Variants in ADGRB3 observed in about 807,000 individuals in gnomAD.
The protein encoded by ADGRB3 is adhesion G protein-coupled receptor B3.
ADGRB3 carries 37 observed loss-of-function variants against 193.4 expected under a neutral mutation model. The observed-to-expected ratio is 0.19, with a 90% CI of 0.15 to 0.25. ADGRB3 has a LOEUF of 0.25. ADGRB3 is among the 10% of genes least tolerant of loss of function. The pLI, the probability that ADGRB3 is intolerant of heterozygous loss-of-function variation, is 1.00. For missense variants in ADGRB3, 1,637 were observed against 1,852.9 expected (o/e 0.88, Z 2.14); for synonymous variants, 690 against 644.2 (o/e 1.07, Z -1.08).
chr6:69,349,521 A>C (rs984833931), intron 26 of ADGRB3, among the ~76,000 whole-genome samples: 1 of 152,148 alleles, frequency 6.6e-6, no homozygotes, highest in South Asian at 2.1e-4. Flanking sequence ...ATGTGAAGTC[A>C]CTCATAATTC....
intron 3 of ADGRB3, among the ~76,000 whole-genome samples, chr6:68,657,308 G>A (rs960994853): frequency 6.6e-6 from 1 of 151,346 alleles, no homozygotes; most frequent in African/African-American, 2.4e-5. Context: ...TCTGTAGGGG[G>A]CAAAGGCTAT....
At chr6:68,861,569 A>AAAATAAAT (rs988376729) in intron 3 of ADGRB3, among the ~76,000 whole-genome samples, 32 of 152,072 alleles carry the variant, frequency 2.1e-4, no homozygotes, top group Non-Finnish European at 3.8e-4. Context: ...CTCCAAAAAA[A>AAAATAAAT]AAATAAATAA....
intron 17 of ADGRB3, among the ~76,000 whole-genome samples, chr6:69,111,203 A>T (rs1040911772): frequency 1.4e-4 from 22 of 152,338 alleles, no homozygotes; most frequent in Admixed American, 9.8e-4. Context: ...TCTTTCTGGG[A>T]ATAATAGCAC....
chr6:68,796,029 A>C (rs903458441), intron 3 of ADGRB3, among the ~76,000 whole-genome samples: 1 of 152,130 alleles, frequency 6.6e-6, no homozygotes, highest in African/African-American at 2.4e-5. Flanking sequence ...CCCTGTGCTT[A>C]AGAATCATTG....
At chr6:69,218,377 A>G (rs1877427) in intron 17 of ADGRB3, among the ~76,000 whole-genome samples, 21,549 of 152,166 alleles carry the variant, frequency 0.14, 1,589 homozygotes, top group Middle Eastern at 0.16. Context: ...TCCAGTGTGG[A>G]TATATAAATA....
At chr6:68,849,142 A>G (rs1021702881) in intron 3 of ADGRB3, among the ~76,000 whole-genome samples, 14 of 151,980 alleles carry the variant, frequency 9.2e-5, no homozygotes, top group Admixed American at 2.0e-4. Context: ...TAGGTGAGAA[A>G]TGGTTCTTGA....
At chr6:69,199,485 C>G (rs1269996636) in intron 17 of ADGRB3, among the ~76,000 whole-genome samples, 1 of 151,996 alleles carries the variant, frequency 6.6e-6, no homozygotes, top group African/African-American at 2.4e-5. Context: ...GATCATTGTT[C>G]AAGAAACATA....
chr6:68,938,299 A>G (rs1395296211), intron 5 of ADGRB3, among the ~76,000 whole-genome samples: 1 of 151,922 alleles, frequency 6.6e-6, no homozygotes, highest in East Asian at 1.9e-4. Flanking sequence ...AACAGAATTC[A>G]TAGAGCAGAC....
At chr6:68,748,481 C>T (rs536101423) in intron 3 of ADGRB3, among the ~76,000 whole-genome samples, 70 of 152,302 alleles carry the variant, frequency 4.6e-4, no homozygotes, top group African/African-American at 1.6e-3. Context: ...AATTTTAAAG[C>T]TCCAAAACAA....
intron 20 of ADGRB3, among the ~76,000 whole-genome samples, chr6:69,268,239 T>A (rs1228303382): frequency 6.6e-6 from 1 of 152,198 alleles, no homozygotes; most frequent in Admixed American, 6.6e-5. Context: ...TAATATTTTA[T>A]GTTTTCGTAA....
chr6:68,723,389 A>G (rs1217977845), intron 3 of ADGRB3, among the ~76,000 whole-genome samples: 5 of 151,724 alleles, frequency 3.3e-5, no homozygotes, highest in Non-Finnish European at 5.9e-5. Flanking sequence ...TCTTTAAGAT[A>G]ACTTTTTATG....
rs534541898 is a variant in ADGRB3 at position 68,813,629 on chromosome 6, G to A, written c.758-116930G>A. Among the ~76,000 whole-genome samples the A allele has an allele frequency of 3.3e-5, 5 of 151,504 alleles. No individual in the cohort carries two copies. The East Asian group carries it at 5.8e-4, about 18-fold the overall frequency. ...GTGCAGGTTTGTTACATATGTATAC[G>A]TGTGCCATGTTGGTGTGCCGCACCC... On this transcript the variant is annotated intron_variant, in intron 3 of 31. Transcript: ENST00000370598.
rs1765604431 is a variant in ADGRB3 at position 68,722,654 on chromosome 6, A to G, written c.757+83222A>G. On this transcript the variant is annotated intron_variant, in intron 3 of 31. Transcript: ENST00000370598. The stretch of plus-strand genomic sequence containing the variant: ...TCAGGTTACTTCTTTTTCCAAAACC[A>G]TCATTTCTTCAGTACCTTTCAATTA... Among the ~76,000 whole-genome samples the G allele has an allele frequency of 4.7e-5, 7 of 150,160 alleles. No homozygotes were observed. The Admixed American group carries it at 4.7e-4, about 10-fold the overall frequency.
chr6:68,725,921 T>C (rs1765665304), intron 3 of ADGRB3, among the ~76,000 whole-genome samples: 1 of 151,486 alleles, frequency 6.6e-6, no homozygotes, highest in South Asian at 2.1e-4. Context: ...GTTGTCTTGG[T>C]AGTCAAGATT....
At chr6:68,701,052 C>A (rs1376627853) in intron 3 of ADGRB3, among the ~76,000 whole-genome samples, 4 of 152,020 alleles carry the variant, frequency 2.6e-5, no homozygotes, top group Admixed American at 6.6e-5. Flanking sequence ...ACATGAAAGA[C>A]TTAAGTATCC....
At chr6:68,698,788 G>A (rs1458940487) in intron 3 of ADGRB3, among the ~76,000 whole-genome samples, 5 of 151,980 alleles carry the variant, frequency 3.3e-5, no homozygotes, top group Admixed American at 2.0e-4. Context: ...CTAAATAGAC[G>A]GTGTTGTGAT....
At chr6:69,063,963 A>G (rs1771824843) in intron 16 of ADGRB3, among the ~76,000 whole-genome samples, 3 of 151,852 alleles carry the variant, frequency 2.0e-5, no homozygotes, top group Admixed American at 2.0e-4. Flanking sequence ...GTTTTTATGA[A>G]GTTGACCTTT....
At chr6:68,660,367 C>A (rs1220365003) in intron 3 of ADGRB3, among the ~76,000 whole-genome samples, 1 of 149,102 alleles carries the variant, frequency 6.7e-6, no homozygotes, top group Non-Finnish European at 1.5e-5. Context: ...CTTTGGGATA[C>A]TTTCAATGGA....
At chr6:69,062,904 C>A (rs1320865649) in intron 15 of ADGRB3, 30 bp from the exon 16 acceptor site, 2 of 1,516,074 alleles carry the variant, frequency 1.3e-6, no homozygotes, top group East Asian at 2.3e-5. Context: ...GCACTCATTT[C>A]TCCTTTTAAT....
Sources: gnomAD v4.1 joint callset for allele counts (sites outside exome capture counted in the v4.1 genomes callset) on GRCh38, gnomAD v4.1.1 for gene constraint, MANE v1.5 for transcripts, NCBI Gene and HGNC (gene_info 2026-07-23, HGNC 2026-07-21) for gene names.